ATP8A1: variants seen among roughly 807,000 people sequenced by gnomAD.
ATP8A1 encodes phospholipid-transporting ATPase IA.
A neutral mutation model predicts 177.7 loss-of-function variants in ATP8A1; 90 were observed. The ratio of observed to expected loss-of-function variants is 0.51; its 90% CI spans 0.43 to 0.60. The LOEUF (loss-of-function observed/expected upper bound fraction) is 0.60, where lower values mean the gene tolerates loss of function less well. Ranked by LOEUF, ATP8A1 falls within the 20% of genes least tolerant of loss-of-function variation. ATP8A1 has a pLI of 0.00. For missense variants in ATP8A1, 1,072 were observed against 1,392.8 expected (o/e 0.77, Z 3.67); for synonymous variants, 493 against 485.9 (o/e 1.01, Z -0.19).
intron 15 of ATP8A1, among the ~76,000 whole-genome samples, chr4:42,564,941 G>T (rs983653798): frequency 3.3e-5 from 5 of 152,130 alleles, no homozygotes; most frequent in African/African-American, 7.2e-5. Context: ...GGTCTTTCCT[G>T]TGCTGTTCTC....
At chr4:42,556,223 G>A in intron 15 of ATP8A1, 183 bp from the exon 16 acceptor site, 2 of 422,020 alleles carry the variant, frequency 4.7e-6, no homozygotes, top group Non-Finnish European at 8.5e-6. Flanking sequence ...ATATATTCAA[G>A]CATTCTAAAA....
At chr4:42,631,408 A>G (rs1738715312) in intron 1 of ATP8A1, among the ~76,000 whole-genome samples, 1 of 152,234 alleles carries the variant, frequency 6.6e-6, no homozygotes, top group Non-Finnish European at 1.5e-5. Context: ...CTGAAGTTCC[A>G]TAATCAATTC....
chr4:42,455,663 C>T (rs1718405037), intron 27 of ATP8A1, 64 bp from the exon 28 acceptor site: 4 of 1,404,812 alleles, frequency 2.8e-6, no homozygotes, highest in African/African-American at 2.9e-5. Flanking sequence ...TGCTTAGAAT[C>T]TGTTGTATAC....
intron 28 of ATP8A1, 34 bp from the exon 29 acceptor site, chr4:42,455,453 G>C: frequency 5.0e-6 from 8 of 1,613,678 alleles, no homozygotes; most frequent in Non-Finnish European, 6.8e-6. Context: ...ATGTCAAGCA[G>C]CCAAATGCAG....
intron 33 of ATP8A1, among the ~76,000 whole-genome samples, chr4:42,431,047 A>T (rs1461216653): frequency 2.0e-5 from 3 of 152,148 alleles, no homozygotes; most frequent in Non-Finnish European, 4.4e-5. Flanking sequence ...TCTTCTCTAG[A>T]TTATAACCTC....
intron 1 of ATP8A1, among the ~76,000 whole-genome samples, chr4:42,630,169 C>T (rs1738579101): frequency 6.6e-6 from 1 of 152,130 alleles, no homozygotes; most frequent in Non-Finnish European, 1.5e-5. Flanking sequence ...TGGGCAATGC[C>T]TAAGCTGAGC....
At chr4:42,557,311 T>A (rs867231393) in intron 15 of ATP8A1, among the ~76,000 whole-genome samples, 4 of 152,198 alleles carry the variant, frequency 2.6e-5, no homozygotes, top group Non-Finnish European at 4.4e-5. Context: ...AAGAAAAAGA[T>A]AGCATATATT....
chr4:42,519,510 T>G (rs559937912), intron 22 of ATP8A1, among the ~76,000 whole-genome samples: 12 of 152,340 alleles, frequency 7.9e-5, no homozygotes, highest in African/African-American at 2.9e-4. Flanking sequence ...TCAGGTCAAA[T>G]TTGTGGGCCA....
At chr4:42,485,968 A>C (rs1722158826) in intron 24 of ATP8A1, among the ~76,000 whole-genome samples, 1 of 152,198 alleles carries the variant, frequency 6.6e-6, no homozygotes, top group South Asian at 2.1e-4. Flanking sequence ...TATTCTAACC[A>C]TCATTGTTTG....
intron 4 of ATP8A1, among the ~76,000 whole-genome samples, chr4:42,621,348 C>G (rs1737445037): frequency 6.6e-6 from 1 of 152,216 alleles, no homozygotes; most frequent in African/African-American, 2.4e-5. Flanking sequence ...CAATTTGATC[C>G]TCTATAGAAA....
At chr4:42,616,704 T>C (rs1391896548) in intron 4 of ATP8A1, among the ~76,000 whole-genome samples, 1 of 152,194 alleles carries the variant, frequency 6.6e-6, no homozygotes, top group Non-Finnish European at 1.5e-5. Flanking sequence ...CATATCTTCC[T>C]TCCTCCCAAG....
intron 4 of ATP8A1, among the ~76,000 whole-genome samples, chr4:42,620,794 G>T (rs1321990289): frequency 6.6e-6 from 1 of 152,150 alleles, no homozygotes; most frequent in Non-Finnish European, 1.5e-5. Flanking sequence ...ATAAATGTTG[G>T]TGACTCTTCA....
chr4:42,617,085 G>C (rs1444896315), intron 4 of ATP8A1, among the ~76,000 whole-genome samples: 1 of 152,166 alleles, frequency 6.6e-6, no homozygotes, highest in Non-Finnish European at 1.5e-5. Flanking sequence ...GAGTTCCTAA[G>C]TTTTCCATTT....
intron 33 of ATP8A1, among the ~76,000 whole-genome samples, chr4:42,435,426 CAAAAA>C (rs55945370): frequency 1.9e-4 from 18 of 93,956 alleles, no homozygotes; most frequent in Admixed American, 6.5e-4. Flanking sequence ...GACTTCATCT[CAAAAA>C]AAAAAAAAAA....
intron 35 of ATP8A1, among the ~76,000 whole-genome samples, chr4:42,419,236 A>G (rs145769409): frequency 2.6e-4 from 39 of 152,170 alleles, no homozygotes; most frequent in African/African-American, 9.2e-4. Flanking sequence ...TATTCTCTTA[A>G]CTATTCCGTT....
At chr4:42,567,661 G>A (rs935227915) in intron 15 of ATP8A1, among the ~76,000 whole-genome samples, 3 of 152,108 alleles carry the variant, frequency 2.0e-5, no homozygotes, top group African/African-American at 7.2e-5. Context: ...TTATGACAAA[G>A]CTGACAATTT....
At chr4:42,630,427 T>C (rs920345591) in intron 1 of ATP8A1, among the ~76,000 whole-genome samples, 1 of 152,190 alleles carries the variant, frequency 6.6e-6, no homozygotes, top group African/African-American at 2.4e-5. Flanking sequence ...GACGCTTTTA[T>C]GTCATCCCCT....
At chr4:42,497,078 C>T (rs150019193) in intron 24 of ATP8A1, among the ~76,000 whole-genome samples, 13 of 152,254 alleles carry the variant, frequency 8.5e-5, no homozygotes, top group Non-Finnish European at 1.6e-4. Context: ...GAGATAGCTG[C>T]TGGAATATTT....
intron 29 of ATP8A1, among the ~76,000 whole-genome samples, 154 bp downstream of exon 29, chr4:42,455,143 T>A (rs1378470336): frequency 6.6e-6 from 1 of 152,188 alleles, no homozygotes; most frequent in Non-Finnish European, 1.5e-5. Context: ...TCTGCCTGTA[T>A]CAGAACCTTA....
Sources: gnomAD v4.1 joint callset for allele counts (sites outside exome capture counted in the v4.1 genomes callset) on GRCh38, gnomAD v4.1.1 for gene constraint, MANE v1.5 for transcripts, NCBI Gene and HGNC (gene_info 2026-07-23, HGNC 2026-07-21) for gene names.